Variants in SIM1 observed in about 807,000 individuals in gnomAD.
SIM1 encodes single-minded homolog 1.
SIM1 carries 18 observed loss-of-function variants against 78.2 expected under a neutral mutation model. The ratio of observed to expected loss-of-function variants is 0.23; its 90% CI spans 0.16 to 0.34. The LOEUF is 0.34. SIM1 is among the 10% of genes least tolerant of loss of function. The probability of loss-of-function intolerance (pLI) is 1.00; values close to 1 mark genes in which losing one functional copy is unlikely to be tolerated. For synonymous variants in SIM1, 417 were observed against 385.2 expected (o/e 1.08, Z -0.97); for missense variants, 939 against 975.1 (o/e 0.96, Z 0.49).
At chr6:100,452,970 G>A (rs1247257288) in intron 3 of SIM1, among the ~76,000 whole-genome samples, 1 of 152,154 alleles carries the variant, frequency 6.6e-6, no homozygotes, top group Non-Finnish European at 1.5e-5. Context: ...TGCTGCTTAG[G>A]TTCAAGGCTT....
intron 9 of SIM1, among the ~76,000 whole-genome samples, chr6:100,443,682 T>G (rs528083563): frequency 7.2e-5 from 11 of 152,050 alleles, no homozygotes; most frequent in Non-Finnish European, 1.5e-4. Flanking sequence ...ACACAATAAT[T>G]TTTAACATTT....
At position 100,388,926 on chromosome 6, in the gene SIM1, C is replaced by T. The variant is rs1371317003; in HGVS notation, c.*1435G>A. 6.6e-6 allele frequency: 1 copy of T among 152,190 alleles called. No individual in the cohort carries two copies. The highest frequency in any genetic ancestry group is 1.5e-5 in the Non-Finnish European group (1 of 68,026). The allele number at this position is 152,190 out of a possible 1,614,324, so 9.4% of individuals were successfully genotyped here. ...AAGGAGCCCACACACCTGCTTAAGT[C>T]ACAAAGCATCTAAACTTCTGTGTAC... On this transcript the variant is annotated 3_prime_UTR_variant, in exon 12 of 12. Transcript: ENST00000369208.
At chr6:100,421,167 G>A (rs942205953) in intron 9 of SIM1, among the ~76,000 whole-genome samples, 6 of 151,694 alleles carry the variant, frequency 4.0e-5, no homozygotes, top group South Asian at 2.1e-4. Flanking sequence ...ATTTTTTTTC[G>A]TTAAGTGGAA....
chr6:100,445,041 C>T (rs1433730297), intron 9 of SIM1, among the ~76,000 whole-genome samples: 2 of 152,162 alleles, frequency 1.3e-5, no homozygotes, highest in East Asian at 1.9e-4. Flanking sequence ...GGAAGTAGCC[C>T]TAAAAAACAA....
At chr6:100,411,598 T>G (rs191180087) in intron 10 of SIM1, among the ~76,000 whole-genome samples, 1 of 152,200 alleles carries the variant, frequency 6.6e-6, no homozygotes, top group East Asian at 1.9e-4. Flanking sequence ...GCACAATTTT[T>G]AAATTTATTT....
intron 10 of SIM1, among the ~76,000 whole-genome samples, chr6:100,408,707 A>T (rs528973978): frequency 2.0e-5 from 3 of 152,286 alleles, no homozygotes; most frequent in South Asian, 4.1e-4. Flanking sequence ...AATGTGGTAT[A>T]TAACATTTAT....
chr6:100,430,586 T>C (rs777194122), intron 9 of SIM1, among the ~76,000 whole-genome samples: 99 of 152,272 alleles, frequency 6.5e-4, no homozygotes, highest in Non-Finnish European at 1.2e-3. Context: ...TTATTCGGGC[T>C]GCCTCTTTTC....
chr6:100,434,883 T>A (rs1772004660), intron 9 of SIM1, among the ~76,000 whole-genome samples: 2 of 152,024 alleles, frequency 1.3e-5, no homozygotes, highest in African/African-American at 4.8e-5. Context: ...GAACAAGAAA[T>A]CCCTGGAGCG....
chr6:100,460,574 C>T (rs376059759), intron 2 of SIM1, among the ~76,000 whole-genome samples: 9 of 152,298 alleles, frequency 5.9e-5, no homozygotes, highest in African/African-American at 1.9e-4. Context: ...CTACTATGTA[C>T]TAGGGTGGCT....
chr6:100,406,574 A>C (rs995025962), intron 10 of SIM1, among the ~76,000 whole-genome samples: 1 of 152,218 alleles, frequency 6.6e-6, no homozygotes, highest in African/African-American at 2.4e-5. Flanking sequence ...GCAACTGTGA[A>C]TGGAAGGATA....
intron 9 of SIM1, among the ~76,000 whole-genome samples, chr6:100,428,897 A>C (rs1582298563): frequency 6.6e-6 from 1 of 152,310 alleles, no homozygotes; most frequent in African/African-American, 2.4e-5. Flanking sequence ...GCATGTAAAC[A>C]TGCTCTTTTT....
chr6:100,398,652 A>G (rs1338358100), intron 10 of SIM1, among the ~76,000 whole-genome samples: 1 of 152,052 alleles, frequency 6.6e-6, no homozygotes, highest in Non-Finnish European at 1.5e-5. Flanking sequence ...TGTATATACC[A>G]TGATTTGTTT....
At chr6:100,456,455 A>T (rs972706631) in intron 2 of SIM1, among the ~76,000 whole-genome samples, 11 of 152,364 alleles carry the variant, frequency 7.2e-5, no homozygotes, top group Admixed American at 2.6e-4. Context: ...TTACAGTGGG[A>T]ACAAGATCTA....
Position 100,450,360 on chromosome 6 carries a change from G to A in SIM1, c.259-4C>T. The stretch of plus-strand genomic sequence containing the variant: ...CGAAGATGAAGCCATCCAGGGTCTG[G>A]GGAGGCACAAATAGAGAGAATAGAG... On this transcript the variant is annotated splice_region_variant and splice_polypyrimidine_tract_variant and intron_variant, in intron 3 of 11. Coordinates refer to ENST00000369208, the MANE Select transcript of SIM1 (RefSeq NM_005068.3). The A allele has an allele frequency of 6.2e-7, 1 of 1,613,678 alleles. No homozygotes were observed. The highest frequency in any genetic ancestry group is 8.5e-7 in the Non-Finnish European group (1 of 1,179,766).
chr6:100,409,753 A>G (rs1346389327), intron 10 of SIM1, among the ~76,000 whole-genome samples: 1 of 152,016 alleles, frequency 6.6e-6, no homozygotes, highest in African/African-American at 2.4e-5. Flanking sequence ...ATCTCAAGAT[A>G]TTTTTTATTT....
chr6:100,435,489 A>C (rs1436548281), intron 9 of SIM1, among the ~76,000 whole-genome samples: 1 of 152,136 alleles, frequency 6.6e-6, no homozygotes, highest in Non-Finnish European at 1.5e-5. Context: ...CACACAAAGC[A>C]GCCGCCCTTC....
intron 2 of SIM1, among the ~76,000 whole-genome samples, chr6:100,457,271 C>G (rs1772689808): frequency 6.6e-6 from 1 of 152,200 alleles, no homozygotes; most frequent in Non-Finnish European, 1.5e-5. Flanking sequence ...ATGTATCCTC[C>G]TTGCAGTCCT....
chr6:100,389,891 G>A lies in SIM1; in HGVS notation c.*470C>T, dbSNP rs139499643. 629 of 396,680 alleles carry A rather than the reference G, an allele frequency of 1.6e-3. 2 individuals carry two copies. The highest frequency in any genetic ancestry group is 9.5e-3 in the Middle Eastern group (15 of 1,584). The allele number at this position is 396,680 out of a possible 1,614,324, so 24.6% of individuals were successfully genotyped here. A position where few individuals can be genotyped will look rare whatever the true frequency, so the allele number is the denominator to read the frequency against. On this transcript the variant is annotated 3_prime_UTR_variant, in exon 12 of 12. Transcript: ENST00000369208. ...CAGTTATTTTGGGAATGGAAATTTC[G>A]TTAAGAAGTTTAGTGTGACAGAGTC...
chr6:100,391,389 G>A (rs1362697027), intron 11 of SIM1, among the ~76,000 whole-genome samples: 1 of 152,188 alleles, frequency 6.6e-6, no homozygotes, highest in East Asian at 1.9e-4. Flanking sequence ...GGTAAAGTGT[G>A]TTTATACTTC....
Sources: allele counts gnomAD v4.1 joint callset (sites outside exome capture counted in the v4.1 genomes callset), GRCh38; gene constraint gnomAD v4.1.1; transcripts MANE v1.5; gene names NCBI Gene and HGNC (gene_info 2026-07-23, HGNC 2026-07-21).